PHAX: variants seen among roughly 807,000 people sequenced by gnomAD.
PHAX encodes the protein phosphorylated adaptor for RNA export, also known as phosphorylated adapter RNA export protein.
Under a neutral mutation model 41.6 loss-of-function variants are expected in PHAX, and 31 were observed. The ratio of observed to expected loss-of-function variants is 0.75; its 90% CI spans 0.56 to 1.01. The LOEUF is 1.01. Ranked by LOEUF, PHAX falls within the 50% of genes least tolerant of loss-of-function variation. The pLI, the probability that PHAX is intolerant of heterozygous loss-of-function variation, is 0.00. For synonymous variants in PHAX, 175 were observed against 164.9 expected (o/e 1.06, Z -0.47); for missense variants, 453 against 472.9 (o/e 0.96, Z 0.39).
chr5:126,617,151 G>A, intron 3 of PHAX, 99 bp from the exon 4 acceptor site: 1 of 607,628 alleles, frequency 1.6e-6, no homozygotes, highest in Non-Finnish European at 2.9e-6. Flanking sequence ...TTCAGATCTG[G>A]TATTTCTTCT....
intron 4 of PHAX, among the ~76,000 whole-genome samples, chr5:126,622,544 C>T (rs144917470): frequency 1.8e-4 from 27 of 149,442 alleles, no homozygotes; most frequent in East Asian, 6.0e-4. Flanking sequence ...CTGACCACCT[C>T]GGCCTCCTGA....
intron 4 of PHAX, among the ~76,000 whole-genome samples, chr5:126,621,438 TG>T (rs1752271219): frequency 6.6e-6 from 1 of 152,148 alleles, no homozygotes; most frequent in Admixed American, 6.6e-5. Context: ...TCCTCCTGCC[TG>T]GGCCTCCCAA....
At position 126,604,069 on chromosome 5, in the gene PHAX, G is replaced by A. The variant is rs1751950244; in HGVS notation, c.596G>A (p.Arg199Lys). ...EEENGQGHLK[R>K]KRPVKDRLGN... Reference sequence around the variant, plus strand: ...GAAAATGGGCAAGGTCATCTCAAAAGGAAACGACCTGTCAAAGACAGGCTA... The same window carrying A: ...GAAAATGGGCAAGGTCATCTCAAAAAGAAACGACCTGTCAAAGACAGGCTA... The change falls in exon 2 of 5, where the codon AGG becomes AAG. Residue 199 changes from arginine to lysine, a missense_variant. Coordinates refer to ENST00000297540, the MANE Select transcript of PHAX (RefSeq NM_032177.4). The A allele has an allele frequency of 6.2e-7, 1 of 1,613,690 alleles. No homozygotes were observed. The highest frequency in any genetic ancestry group is 1.3e-5 in the African/African-American group (1 of 74,780).
chr5:126,615,827 G>C (rs1365069297), intron 3 of PHAX, among the ~76,000 whole-genome samples: 4 of 151,852 alleles, frequency 2.6e-5, no homozygotes, highest in Admixed American at 2.6e-4. Flanking sequence ...TTTTTCAGAA[G>C]GAATGTTTCA....
At chr5:126,614,768 T>A (rs1752159164) in intron 3 of PHAX, among the ~76,000 whole-genome samples, 1 of 151,840 alleles carries the variant, frequency 6.6e-6, no homozygotes. Context: ...CACCCATTAT[T>A]TTTTTTGAGA....
At chr5:126,610,601 C>G (rs1752078770) in intron 3 of PHAX, among the ~76,000 whole-genome samples, 1 of 152,220 alleles carries the variant, frequency 6.6e-6, no homozygotes, top group African/African-American at 2.4e-5. Context: ...CACAGAGTTA[C>G]AGATTTCATC....
intron 3 of PHAX, among the ~76,000 whole-genome samples, chr5:126,608,694 T>C (rs1315010274): frequency 1.3e-5 from 2 of 152,072 alleles, no homozygotes; most frequent in African/African-American, 4.8e-5. Flanking sequence ...CCTAGCACTT[T>C]GGGAGGCTGA....
intron 4 of PHAX, among the ~76,000 whole-genome samples, chr5:126,621,761 C>T (rs1429090655): frequency 6.6e-6 from 1 of 151,242 alleles, no homozygotes; most frequent in African/African-American, 2.4e-5. Flanking sequence ...TCAGCTAAAA[C>T]ACTAGAGTTA....
chr5:126,626,159 T>C lies in PHAX; in HGVS notation c.*1315T>C, dbSNP rs779449727. The C allele has an allele frequency of 1.3e-5, 2 of 151,924 alleles. No individual in the cohort carries two copies. Among genetic ancestry groups the C allele is most frequent in the African/African-American group, 2.4e-5 (1 of 41,402 alleles). 9.4% of individuals were successfully genotyped at this position (151,924 alleles called of 1,614,324 possible). A position where few individuals can be genotyped will look rare whatever the true frequency, so the allele number is the denominator to read the frequency against. ...CTTTGGGAGGCCAAGAGAGGAAGAT[T>C]GCTTGAGCCCAGGAGTTTGAGACCA... On this transcript the variant is annotated 3_prime_UTR_variant, in exon 5 of 5. Transcript: ENST00000297540.
At chr5:126,621,016 GTGAGCCAC>G (rs1470673851) in intron 4 of PHAX, among the ~76,000 whole-genome samples, 1 of 152,104 alleles carries the variant, frequency 6.6e-6, no homozygotes, top group Non-Finnish European at 1.5e-5. Flanking sequence ...AATTACAGGA[GTGAGCCAC>G]TGCGCCTGGC....
chr5:126,617,124 C>A, intron 3 of PHAX, 126 bp from the exon 4 acceptor site: 1 of 480,522 alleles, frequency 2.1e-6, no homozygotes, highest in East Asian at 3.3e-5. Context: ...TTGTAAGAGT[C>A]AGAATCAGGA....
At chr5:126,606,697 G>C (rs1049623808) in intron 2 of PHAX, among the ~76,000 whole-genome samples, 3 of 151,828 alleles carry the variant, frequency 2.0e-5, no homozygotes, top group African/African-American at 7.3e-5. Context: ...TGTTGCCCAG[G>C]ATGGAGTGCA....
rs1024773293 is a variant in PHAX, at chr5:126,615,613, CTG to C, written c.832-1634_832-1633del. ...ACTAGTGTTTCTAAGTGCAAGAAGA[CTG>C]TGACATGCGTTAGAGAGAAAATATG... On this transcript the variant is annotated intron_variant, in intron 3 of 4. Coordinates refer to ENST00000297540, the MANE Select transcript of PHAX (RefSeq NM_032177.4). Among the ~76,000 whole-genome samples, 4 of 149,642 alleles carry C rather than the reference CTG, an allele frequency of 2.7e-5. 1 individual carries two copies. Among genetic ancestry groups the C allele is most frequent in the African/African-American group, 7.4e-5 (3 of 40,328 alleles).
At chr5:126,612,667 CTCCAGCCTGGGCAA>C (rs1752121205) in intron 3 of PHAX, among the ~76,000 whole-genome samples, 1 of 152,104 alleles carries the variant, frequency 6.6e-6, no homozygotes, top group Non-Finnish European at 1.5e-5. Flanking sequence ...CGCCATTGGA[CTCCAGCCTGGGCAA>C]CAAGAGCGAA....
At chr5:126,602,428 A>T (rs1206607689) in intron 1 of PHAX, among the ~76,000 whole-genome samples, 1 of 152,226 alleles carries the variant, frequency 6.6e-6, no homozygotes, top group African/African-American at 2.4e-5. Context: ...GGCATGATGT[A>T]CCACTGATAG....
At chr5:126,607,165 A>G (rs1752002589) in intron 2 of PHAX, among the ~76,000 whole-genome samples, 1 of 152,178 alleles carries the variant, frequency 6.6e-6, no homozygotes. Flanking sequence ...CTTTCCAGGC[A>G]AGCCTATCTG....
In PHAX at chr5:126,627,002, AG is replaced by A. The variant is rs1752367127; in HGVS notation, c.*2159del. On this transcript the variant is annotated 3_prime_UTR_variant, in exon 5 of 5. Coordinates refer to ENST00000297540, the MANE Select transcript of PHAX (RefSeq NM_032177.4). ...AAAATAAGGTAGTTTAGACATTCCAAGAGTTAACTATAGTTTACAAAAATAT... is the reference window on the plus strand; with the variant it reads ...AAAATAAGGTAGTTTAGACATTCCAAAGTTAACTATAGTTTACAAAAATAT... 1 of 152,212 alleles carries A rather than the reference AG, an allele frequency of 6.6e-6. No homozygotes were observed. Among genetic ancestry groups the A allele is most frequent in the Non-Finnish European group, 1.5e-5 (1 of 68,038 alleles). The allele number at this position is 152,212 out of a possible 1,614,324, so 9.4% of individuals were successfully genotyped here.
At chr5:126,610,705 CTTATT>C (rs1466820503) in intron 3 of PHAX, among the ~76,000 whole-genome samples, 8 of 152,186 alleles carry the variant, frequency 5.3e-5, no homozygotes, top group South Asian at 4.1e-4. Context: ...AATTTACTTT[CTTATT>C]TTATTTTATT....
chr5:126,611,778 G>A (rs1371203195), intron 3 of PHAX, among the ~76,000 whole-genome samples: 7 of 146,030 alleles, frequency 4.8e-5, no homozygotes, highest in Non-Finnish European at 8.9e-5. Context: ...GTGACAGAGC[G>A]AGACCCTGTC....
Sources: gnomAD v4.1 joint callset for allele counts (sites outside exome capture counted in the v4.1 genomes callset) on GRCh38, gnomAD v4.1.1 for gene constraint, MANE v1.5 for transcripts, NCBI Gene and HGNC (gene_info 2026-07-23, HGNC 2026-07-21) for gene names.